The following ALOX5AP variants were observed in gnomAD, a reference collection of about 807,000 sequenced individuals.
ALOX5AP encodes the protein arachidonate 5-lipoxygenase activating protein, also known as arachidonate 5-lipoxygenase-activating protein.
In ALOX5AP, 9 loss-of-function variants were observed where a neutral mutation model predicts 18.5. The observed-to-expected ratio is 0.49, with a 90% CI of 0.29 to 0.85. ALOX5AP has a LOEUF of 0.85. Among genes scored for constraint, ALOX5AP ranks in the 40% least tolerant of loss-of-function variants. ALOX5AP has a pLI of 0.08. For missense variants in ALOX5AP, 172 were observed against 202.5 expected, an observed-to-expected ratio of 0.85 and a Z score of 0.91; for synonymous variants, 81 against 78.6, an observed-to-expected ratio of 1.03 and a Z score of -0.16.
chr13:30,713,994 A>G (rs903848823), intron 1 of ALOX5AP, among the ~76,000 whole-genome samples: 2 of 152,320 alleles, frequency 1.3e-5, no homozygotes. Flanking sequence ...CCCAGGATCT[A>G]TATCAAACTC....
At position 30,724,549 on chromosome 13, in the gene ALOX5AP, CT is replaced by C. The variant is rs1462063570; in HGVS notation, c.116+10709del. 2.6e-5 allele frequency among the ~76,000 whole-genome samples: 4 copies of C among 152,272 alleles called. No homozygotes were observed. In the South Asian group the frequency reaches 8.3e-4, roughly 32 times the overall value. ...AAAGTGGCTGTGATGGAAAAGGAGGCTGTTTGGAGCCTTTGGAGTGCCTTTA... is the reference window on the plus strand; with the variant it reads ...AAAGTGGCTGTGATGGAAAAGGAGGCGTTTGGAGCCTTTGGAGTGCCTTTA... On this transcript the variant is annotated intron_variant, in intron 1 of 5. Transcript: ENST00000617770.
intron 1 of ALOX5AP, among the ~76,000 whole-genome samples, chr13:30,742,830 A>G (rs750381088): frequency 6.6e-6 from 1 of 151,520 alleles, no homozygotes; most frequent in Non-Finnish European, 1.5e-5. Context: ...ATAAAATAGA[A>G]GGGGAGAGGG....
intron 3 of ALOX5AP, among the ~76,000 whole-genome samples, chr13:30,755,256 A>G (rs1366202231): frequency 6.6e-6 from 1 of 152,078 alleles, no homozygotes; most frequent in Non-Finnish European, 1.5e-5. Context: ...TTCTCTTCTA[A>G]ATGGTAGCTG....
At chr13:30,762,957 C>T (rs1216133731) in intron 4 of ALOX5AP, among the ~76,000 whole-genome samples, 1 of 152,170 alleles carries the variant, frequency 6.6e-6, no homozygotes, top group Non-Finnish European at 1.5e-5. Context: ...GAGGTCACAT[C>T]TCACTGGGGG....
At chr13:30,737,210 G>C (rs115365570) in intron 1 of ALOX5AP, among the ~76,000 whole-genome samples, 3 of 152,198 alleles carry the variant, frequency 2.0e-5, no homozygotes, top group Non-Finnish European at 4.4e-5. Context: ...ACCCAGCTAC[G>C]AAGTTTGAGC....
intron 1 of ALOX5AP, among the ~76,000 whole-genome samples, chr13:30,716,088 A>G (rs1704741164): frequency 6.6e-6 from 1 of 152,224 alleles, no homozygotes; most frequent in African/African-American, 2.4e-5. Flanking sequence ...ATCCCCAAGG[A>G]CAAGGAGAAT....
At chr13:30,735,775 G>A in intron 1 of ALOX5AP, 100 bp downstream of exon 1, 10 of 1,306,074 alleles carry the variant, frequency 7.7e-6, no homozygotes, top group Non-Finnish European at 1.1e-5. Flanking sequence ...GTGTGCGCAT[G>A]CACAAACACT....
At chr13:30,746,797 G>A (rs1354029501) in intron 2 of ALOX5AP, among the ~76,000 whole-genome samples, 1 of 152,222 alleles carries the variant, frequency 6.6e-6, no homozygotes, top group Non-Finnish European at 1.5e-5. Flanking sequence ...AGTAGTATGT[G>A]TATATAGTTT....
chr13:30,718,674 A>C (rs117942532), intron 1 of ALOX5AP, among the ~76,000 whole-genome samples: 2,962 of 152,202 alleles, frequency 0.019, 37 homozygotes, highest in Non-Finnish European at 0.03. Flanking sequence ...TTCATTCCAC[A>C]AAGCTCAGTG....
chr13:30,752,191 C>A (rs940043127), intron 3 of ALOX5AP, 69 bp downstream of exon 3: 7 of 1,528,050 alleles, frequency 4.6e-6, no homozygotes, highest in African/African-American at 1.4e-5. Flanking sequence ...AAAGGGCAGG[C>A]TTTTTGTTGA....
rs1017289592 is a variant in ALOX5AP at position 30,714,372 on chromosome 13, C to A, written c.116+531C>A. On this transcript the variant is annotated intron_variant, in intron 1 of 5. Coordinates refer to the ALOX5AP transcript ENST00000617770. ...CTCTGTCCTCACTGAGAGGGTTTCC[C>A]AGTCTGAGGGTGAAGGATCAGGAGA... Among the ~76,000 whole-genome samples the A allele has an allele frequency of 3.9e-5, 6 of 151,938 alleles. No individual in the cohort carries two copies. In the South Asian group the frequency reaches 1.2e-3, roughly 32 times the overall value.
At chr13:30,734,320 T>G (rs894786875), upstream of ALOX5AP, among the ~76,000 whole-genome samples, 1 of 152,078 alleles carries the variant, frequency 6.6e-6, no homozygotes, top group Non-Finnish European at 1.5e-5. Context: ...GAAGCGGGCC[T>G]CTGGCACTGT....
intron 2 of ALOX5AP, 91 bp downstream of exon 2, chr13:30,744,250 C>A: frequency 8.6e-7 from 1 of 1,162,022 alleles, no homozygotes. Context: ...TACCACATGT[C>A]TGTCTGAGCC....
intron 1 of ALOX5AP, among the ~76,000 whole-genome samples, chr13:30,726,882 AT>A (rs1951643525): frequency 6.6e-6 from 1 of 152,006 alleles, no homozygotes; most frequent in African/African-American, 2.4e-5. Flanking sequence ...ACAACATAAT[AT>A]GTGTTAATGG....
At chr13:30,718,549 A>G (rs1951568072) in intron 1 of ALOX5AP, among the ~76,000 whole-genome samples, 1 of 151,920 alleles carries the variant, frequency 6.6e-6, no homozygotes. Context: ...TGCTCACACC[A>G]TGAACTGCAA....
At chr13:30,747,283 TCTC>T (rs1300466341) in intron 2 of ALOX5AP, among the ~76,000 whole-genome samples, 2 of 152,254 alleles carry the variant, frequency 1.3e-5, no homozygotes, top group African/African-American at 4.8e-5. Flanking sequence ...TTCAAGTTAT[TCTC>T]CTGCTTCAGC....
intron 1 of ALOX5AP, among the ~76,000 whole-genome samples, chr13:30,726,489 C>T (rs1340822166): frequency 6.6e-6 from 1 of 152,100 alleles, no homozygotes; most frequent in Non-Finnish European, 1.5e-5. Context: ...CCATCTATGT[C>T]CATCTATATT....
At chr13:30,763,858 A>C in intron 4 of ALOX5AP, 86 bp from the exon 5 acceptor site, 1 of 1,276,572 alleles carries the variant, frequency 7.8e-7, no homozygotes, top group Non-Finnish European at 1.1e-6. Flanking sequence ...TAAACCCCAT[A>C]TATCTAAAAG....
intron 1 of ALOX5AP, among the ~76,000 whole-genome samples, chr13:30,714,554 G>A (rs1398370419): frequency 2.9e-5 from 4 of 135,756 alleles, no homozygotes; most frequent in Admixed American, 7.6e-5. Context: ...AGAGGTGGCC[G>A]CTGGCAAGAG....
Sources: gnomAD v4.1 joint callset for allele counts (sites outside exome capture counted in the v4.1 genomes callset) on GRCh38, gnomAD v4.1.1 for gene constraint, MANE v1.5 for transcripts, NCBI Gene and HGNC (gene_info 2026-07-23, HGNC 2026-07-21) for gene names.